RXFP1: variants seen among roughly 807,000 people sequenced by gnomAD.
RXFP1 encodes the protein relaxin family peptide receptor 1, also known as relaxin receptor 1.
RXFP1 carries 73 observed loss-of-function variants against 89.8 expected under a neutral mutation model. The observed-to-expected ratio is 0.81, with a 90% CI of 0.67 to 0.99. RXFP1 has a LOEUF of 0.99. Among genes scored for constraint, RXFP1 ranks in the 50% least tolerant of loss-of-function variants. The pLI is 0.00. For missense variants in RXFP1, 793 were observed against 895.5 expected (o/e 0.89, Z 1.46); for synonymous variants, 277 against 305.5 (o/e 0.91, Z 0.97).
intron 1 of RXFP1, 28 bp downstream of exon 1, chr4:158,522,053 A>C (rs1052573474): frequency 7.4e-6 from 10 of 1,344,596 alleles, no homozygotes; most frequent in Non-Finnish European, 9.5e-6. Flanking sequence ...CTAATTTTGT[A>C]TACCTTAGTA....
rs375810517 is a variant in RXFP1 at position 158,648,548 on chromosome 4, G to A, written c.1806G>A (p.Met602Ile). Residue 602 changes from methionine to isoleucine, a missense_variant, in exon 17 of 18, where the codon ATG (methionine) becomes ATA (isoleucine). Coordinates refer to ENST00000307765, the MANE Select transcript of RXFP1 (RefSeq NM_021634.4). Reference protein sequence around the residue: ...FIIIVFSYGSMFYSVHQSAIT... With the variant: ...FIIIVFSYGSIFYSVHQSAIT... ...TCATAGTTTTTTCCTATGGAAGCATGTTTTATAGTGTTCATCAAAGTGCCA... is the reference window on the plus strand; with the variant it reads ...TCATAGTTTTTTCCTATGGAAGCATATTTTATAGTGTTCATCAAAGTGCCA... 4.3e-6 allele frequency: 7 copies of A among 1,612,708 alleles called. No individual in the cohort carries two copies. Among genetic ancestry groups the A allele is most frequent in the Non-Finnish European group, 5.9e-6 (7 of 1,179,380 alleles).
intron 2 of RXFP1, among the ~76,000 whole-genome samples, chr4:158,573,924 G>A (rs1226670330): frequency 6.6e-6 from 1 of 152,156 alleles, no homozygotes; most frequent in East Asian, 1.9e-4. Flanking sequence ...GACGAAAAGT[G>A]AGTTCTTCTA....
intron 2 of RXFP1, among the ~76,000 whole-genome samples, chr4:158,589,028 C>T (rs1758845375): frequency 6.6e-6 from 1 of 152,162 alleles, no homozygotes; most frequent in African/African-American, 2.4e-5. Flanking sequence ...TTAATTGACT[C>T]ACAATTCCAC....
At chr4:158,539,263 T>C (rs1746013273) in intron 1 of RXFP1, among the ~76,000 whole-genome samples, 1 of 151,892 alleles carries the variant, frequency 6.6e-6, no homozygotes. Flanking sequence ...TTCTCACTCA[T>C]AGGTGGGAAT....
rs375954716 is a variant in RXFP1, at chr4:158,523,266, T to A, written c.49+1241T>A. Among the ~76,000 whole-genome samples, 14 of 152,332 alleles carry A rather than the reference T, an allele frequency of 9.2e-5. No homozygotes were observed. The East Asian group carries it at 2.3e-3, about 25-fold the overall frequency. On this transcript the variant is annotated intron_variant, in intron 1 of 17. Coordinates refer to ENST00000307765, the MANE Select transcript of RXFP1 (RefSeq NM_021634.4). The stretch of plus-strand genomic sequence containing the variant: ...AACAGCTTCAAAAATTAATGCCATA[T>A]TTTACCATCCCTATTCCATTTCAAT...
At position 158,608,031 on chromosome 4, in the gene RXFP1, G is replaced by A; in HGVS notation, c.524G>A (p.Ser175Asn). ...ISIYAFRGLN[S>N]LTKLYLSHNR... ...ATCTATGCTTTCAGAGGACTGAATA[G>A]CCTTACTAAACTGTAAGTACCAGTG... Residue 175 changes from serine to asparagine, a missense_variant, in exon 6 of 18, where the codon AGC becomes AAC. Physicochemically the swap from Ser to Asn is conservative, Grantham distance 46. Coordinates refer to ENST00000307765, the MANE Select transcript of RXFP1 (RefSeq NM_021634.4). 1 of 1,601,420 alleles carries A rather than the reference G, an allele frequency of 6.2e-7. No individual in the cohort carries two copies. The highest frequency in any genetic ancestry group is 8.5e-7 in the Non-Finnish European group (1 of 1,169,838).
intron 1 of RXFP1, among the ~76,000 whole-genome samples, chr4:158,566,810 C>T (rs542983127): frequency 1.0e-3 from 154 of 152,402 alleles, no homozygotes; most frequent in African/African-American, 3.1e-3. Context: ...CGCTCGCTCT[C>T]GGCACCCCCT....
chr4:158,651,732 A>G, intron 17 of RXFP1, 25 bp from the exon 18 acceptor site: 2 of 1,561,160 alleles, frequency 1.3e-6, no homozygotes, highest in African/African-American at 1.4e-5. Flanking sequence ...ATAAACACTA[A>G]AACTATTTCA....
At chr4:158,532,742 G>A (rs188922057) in intron 1 of RXFP1, among the ~76,000 whole-genome samples, 1 of 152,234 alleles carries the variant, frequency 6.6e-6, no homozygotes, top group East Asian at 1.9e-4. Context: ...GAGAGCACAG[G>A]AAGCCCTCAA....
intron 4 of RXFP1, among the ~76,000 whole-genome samples, chr4:158,604,477 C>T (rs983099741): frequency 6.6e-6 from 1 of 152,056 alleles, no homozygotes; most frequent in African/African-American, 2.4e-5. Context: ...GGGACCTTTC[C>T]AGTACAACCA....
chr4:158,539,853 A>G (rs997695941), intron 1 of RXFP1, among the ~76,000 whole-genome samples: 8 of 152,186 alleles, frequency 5.3e-5, no homozygotes, highest in Admixed American at 3.9e-4. Context: ...TTTTGGCTAA[A>G]GATGGAAAAA....
chr4:158,566,741 T>C (rs1032574994), intron 1 of RXFP1, among the ~76,000 whole-genome samples: 1 of 152,266 alleles, frequency 6.6e-6, no homozygotes, highest in Admixed American at 6.5e-5. Context: ...GTTATGAAAA[T>C]GTAGAACTAA....
At chr4:158,611,424 A>G (rs1763556675) in intron 6 of RXFP1, among the ~76,000 whole-genome samples, 2 of 152,140 alleles carry the variant, frequency 1.3e-5, no homozygotes, top group Non-Finnish European at 2.9e-5. Context: ...AAGGGATGCA[A>G]TGCCCTTTTG....
intron 1 of RXFP1, among the ~76,000 whole-genome samples, chr4:158,530,618 A>T (rs983452985): frequency 1.3e-5 from 2 of 152,218 alleles, no homozygotes; most frequent in African/African-American, 4.8e-5. Flanking sequence ...ATCATCAGTC[A>T]TGCTTTCTGT....
chr4:158,538,336 C>A (rs1056368165), intron 1 of RXFP1, among the ~76,000 whole-genome samples: 3 of 152,134 alleles, frequency 2.0e-5, no homozygotes, highest in Admixed American at 6.6e-5. Flanking sequence ...CAATTAGACA[C>A]GATGGCTCGC....
intron 1 of RXFP1, among the ~76,000 whole-genome samples, chr4:158,540,319 C>G (rs904554509): frequency 1.3e-5 from 2 of 152,048 alleles, no homozygotes; most frequent in African/African-American, 4.8e-5. Context: ...AGGCAATTCC[C>G]AAAACTGAAG....
At chr4:158,558,031 A>G (rs1302753317) in intron 1 of RXFP1, among the ~76,000 whole-genome samples, 1 of 152,258 alleles carries the variant, frequency 6.6e-6, no homozygotes, top group Non-Finnish European at 1.5e-5. Context: ...TGAGAAATAT[A>G]TCTACTAAGC....
rs927956625 is a variant in RXFP1, at chr4:158,639,865, G to GA, written c.1115+543dup. Among the ~76,000 whole-genome samples the GA allele has an allele frequency of 2.7e-3, 405 of 148,852 alleles. 3 individuals carry two copies. The highest frequency in any genetic ancestry group is 9.5e-3 in the African/African-American group (386 of 40,650). On this transcript the variant is annotated intron_variant, in intron 14 of 17. Transcript: ENST00000307765. ...ACAGAGTGAGACTCCATCTCAAAAAGAAAAAAAAAGAAAAGAAAAGAGACT... is the reference window on the plus strand; with the variant it reads ...ACAGAGTGAGACTCCATCTCAAAAAGAAAAAAAAAAGAAAAGAAAAGAGACT...
At chr4:158,645,273 C>T (rs1202712722) in intron 15 of RXFP1, 135 bp downstream of exon 15, 1 of 638,090 alleles carries the variant, frequency 1.6e-6, no homozygotes, top group African/African-American at 1.8e-5. Flanking sequence ...GCTGTTTTCA[C>T]ATTTTCTACA....
Sources: gnomAD v4.1 joint callset for allele counts (sites outside exome capture counted in the v4.1 genomes callset) on GRCh38, gnomAD v4.1.1 for gene constraint, MANE v1.5 for transcripts, NCBI Gene and HGNC (gene_info 2026-07-23, HGNC 2026-07-21) for gene names.